TRAPPC9: variants seen among roughly 807,000 people sequenced by gnomAD.
TRAPPC9 encodes trafficking protein particle complex subunit 9, also known as IKK2 binding protein.
Under a neutral mutation model 124.0 loss-of-function variants are expected in TRAPPC9, and 83 were observed. The ratio of observed to expected loss-of-function variants is 0.67; its 90% CI spans 0.56 to 0.80. The LOEUF is 0.80. TRAPPC9 is among the 30% of genes least tolerant of loss of function. The probability of loss-of-function intolerance (pLI) is 0.00; values close to 1 mark genes in which losing one functional copy is unlikely to be tolerated. For missense variants in TRAPPC9, 1,302 were observed against 1,508.3 expected (o/e 0.86, Z 2.27); for synonymous variants, 638 against 617.5 (o/e 1.03, Z -0.49).
chr8:140,260,790 A>G (rs143767184), intron 15 of TRAPPC9, among the ~76,000 whole-genome samples: 18 of 152,350 alleles, frequency 1.2e-4, no homozygotes, highest in East Asian at 1.2e-3. Context: ...TAACAGAACC[A>G]AGAGTCAGAT....
chr8:140,050,669 G>A (rs1269087951), intron 17 of TRAPPC9, among the ~76,000 whole-genome samples: 1 of 152,138 alleles, frequency 6.6e-6, no homozygotes, highest in Admixed American at 6.5e-5. Flanking sequence ...AAATGCTCAT[G>A]AAATGTCTAT....
chr8:139,762,980 G>A (rs990949529), intron 21 of TRAPPC9, among the ~76,000 whole-genome samples: 1 of 152,216 alleles, frequency 6.6e-6, no homozygotes, highest in African/African-American at 2.4e-5. Flanking sequence ...GGCTGCAGCT[G>A]CAGCCGGGGC....
intron 21 of TRAPPC9, among the ~76,000 whole-genome samples, chr8:139,770,923 G>A (rs1202504691): frequency 2.0e-5 from 3 of 152,236 alleles, no homozygotes; most frequent in East Asian, 3.9e-4. Flanking sequence ...GAGTCACCAC[G>A]CCTCTCCTGA....
intron 17 of TRAPPC9, among the ~76,000 whole-genome samples, chr8:140,195,796 CAT>C (rs1284016482): frequency 6.6e-6 from 1 of 151,878 alleles, no homozygotes; most frequent in Non-Finnish European, 1.5e-5. Context: ...GAACAATTCA[CAT>C]ACAGACCACA....
At chr8:140,362,709 A>C (rs2067991827) in intron 8 of TRAPPC9, among the ~76,000 whole-genome samples, 1 of 152,174 alleles carries the variant, frequency 6.6e-6, no homozygotes, top group South Asian at 2.1e-4. Flanking sequence ...CAAAATGAAG[A>C]AGAGATTTTT....
intron 16 of TRAPPC9, among the ~76,000 whole-genome samples, chr8:140,222,534 C>T (rs776923352): frequency 3.3e-5 from 5 of 152,156 alleles, no homozygotes; most frequent in Non-Finnish European, 5.9e-5. Context: ...ACTCCCCACA[C>T]AGCTCGCAGA....
intron 8 of TRAPPC9, 108 bp downstream of exon 8, chr8:140,370,856 A>G: frequency 8.0e-7 from 1 of 1,246,586 alleles, no homozygotes; most frequent in Non-Finnish European, 1.2e-6. Flanking sequence ...GTCATTCTGG[A>G]GCCACCAGCA....
intron 17 of TRAPPC9, among the ~76,000 whole-genome samples, chr8:140,118,874 G>C (rs575968441): frequency 6.6e-6 from 1 of 152,186 alleles, no homozygotes; most frequent in Admixed American, 6.5e-5. Context: ...TCTCCAGCCC[G>C]GGTCCCACCT....
At chr8:139,950,767 C>G (rs1032396802) in intron 19 of TRAPPC9, among the ~76,000 whole-genome samples, 2 of 152,198 alleles carry the variant, frequency 1.3e-5, no homozygotes, top group African/African-American at 2.4e-5. Context: ...CATTCAGCAA[C>G]TGACAATTCA....
intron 14 of TRAPPC9, among the ~76,000 whole-genome samples, chr8:140,278,049 C>G (rs2065180122): frequency 6.6e-6 from 1 of 152,130 alleles, no homozygotes; most frequent in Non-Finnish European, 1.5e-5. Context: ...AGCTGCCCTT[C>G]CTGTAGCTCT....
At chr8:139,947,905 T>TAGAGAGAGAGAGAGAG (rs1431867247) in intron 19 of TRAPPC9, among the ~76,000 whole-genome samples, 2 of 43,336 alleles carry the variant, frequency 4.6e-5, no homozygotes, top group African/African-American at 8.9e-5. Context: ...TATATATATA[T>TAGAGAGAGAGAGAGAG]ATAGAGAGAG....
At chr8:139,864,557 G>A (rs945149149) in intron 21 of TRAPPC9, among the ~76,000 whole-genome samples, 3 of 152,180 alleles carry the variant, frequency 2.0e-5, no homozygotes, top group Non-Finnish European at 4.4e-5. Flanking sequence ...TGATTCAAAC[G>A]TCCACTCTGT....
chr8:140,084,385 A>G (rs1424564744), intron 17 of TRAPPC9, among the ~76,000 whole-genome samples: 1 of 152,206 alleles, frequency 6.6e-6, no homozygotes, highest in Non-Finnish European at 1.5e-5. Flanking sequence ...ATGGGAACCC[A>G]GCTGTTTTAA....
chr8:140,187,920 T>C (rs1233999051), intron 17 of TRAPPC9, among the ~76,000 whole-genome samples: 1 of 152,196 alleles, frequency 6.6e-6, no homozygotes, highest in Non-Finnish European at 1.5e-5. Context: ...GTGATCTGCC[T>C]GCCTTGGCCT....
intron 18 of TRAPPC9, among the ~76,000 whole-genome samples, chr8:140,022,391 T>C (rs1191606842): frequency 6.6e-6 from 1 of 152,184 alleles, no homozygotes; most frequent in Non-Finnish European, 1.5e-5. Context: ...GGCCACAGGC[T>C]TGGGGGCAGG....
intron 19 of TRAPPC9, among the ~76,000 whole-genome samples, chr8:139,957,433 G>C (rs1835070085): frequency 6.6e-6 from 1 of 152,236 alleles, no homozygotes; most frequent in East Asian, 1.9e-4. Flanking sequence ...AAGGACTCTG[G>C]AGTCAGAGAG....
At chr8:140,311,881 C>T (rs1588136214) in intron 9 of TRAPPC9, among the ~76,000 whole-genome samples, 1 of 90,110 alleles carries the variant, frequency 1.1e-5, no homozygotes. Flanking sequence ...CACCATCCTG[C>T]CCCCATCCCT....
intron 21 of TRAPPC9, among the ~76,000 whole-genome samples, chr8:139,744,074 T>G (rs1818732187): frequency 6.6e-6 from 1 of 152,190 alleles, no homozygotes; most frequent in South Asian, 2.1e-4. Context: ...CACTCACAGG[T>G]ACGCATGAAC....
intron 17 of TRAPPC9, among the ~76,000 whole-genome samples, chr8:140,151,130 G>T (rs563959369): frequency 7.9e-4 from 121 of 152,272 alleles, no homozygotes; most frequent in African/African-American, 2.8e-3. Flanking sequence ...AAGAACGAGG[G>T]AAGGTATCTG....
Sources: gnomAD v4.1 joint callset for allele counts (sites outside exome capture counted in the v4.1 genomes callset) on GRCh38, gnomAD v4.1.1 for gene constraint, MANE v1.5 for transcripts, NCBI Gene and HGNC (gene_info 2026-07-23, HGNC 2026-07-21) for gene names.